PXDNL: variants seen among roughly 807,000 people sequenced by gnomAD.
PXDNL encodes the protein peroxidasin like, also known as probable oxidoreductase PXDNL.
A neutral mutation model predicts 150.8 loss-of-function variants in PXDNL; 145 were observed. The observed-to-expected ratio is 0.96, with a 90% CI of 0.84 to 1.10. The LOEUF is 1.10. PXDNL is among the 50% of genes least tolerant of loss of function. PXDNL has a pLI of 0.00. For missense variants in PXDNL, 2,087 were observed against 1,873.9 expected (o/e 1.11, Z -2.10); for synonymous variants, 757 against 725.7 (o/e 1.04, Z -0.69).
chr8:51,545,753 A>G (rs1812346173), intron 4 of PXDNL, among the ~76,000 whole-genome samples: 1 of 152,230 alleles, frequency 6.6e-6, no homozygotes, highest in South Asian at 2.1e-4. Flanking sequence ...TAATCTATTC[A>G]TGAGGGCACG....
intron 3 of PXDNL, among the ~76,000 whole-genome samples, chr8:51,576,784 A>G (rs1171999558): frequency 6.6e-6 from 1 of 151,846 alleles, no homozygotes; most frequent in African/African-American, 2.4e-5. Context: ...ACAAAGAACA[A>G]AAGAGAGAAA....
At chr8:51,531,328 T>C (rs1442782941) in intron 4 of PXDNL, among the ~76,000 whole-genome samples, 1 of 152,086 alleles carries the variant, frequency 6.6e-6, no homozygotes, top group African/African-American at 2.4e-5. Flanking sequence ...CTCTAACGAG[T>C]CTTTGCTTGC....
At chr8:51,418,189 G>A (rs1018099376) in intron 14 of PXDNL, among the ~76,000 whole-genome samples, 11 of 152,162 alleles carry the variant, frequency 7.2e-5, no homozygotes, top group African/African-American at 2.7e-4. Context: ...ATACTAGGTA[G>A]ATGCTGTTGT....
rs566320338 is a variant in PXDNL, at chr8:51,631,091, C to T, written c.236+23598G>A. Among the ~76,000 whole-genome samples, 12 of 152,104 alleles carry T rather than the reference C, an allele frequency of 7.9e-5. No individual in the cohort carries two copies. In the South Asian group the frequency reaches 1.0e-3, roughly 13 times the overall value. On this transcript the variant is annotated intron_variant, in intron 2 of 22. Transcript: ENST00000356297. ...GTAGTATATATACACCATGGAATACCGTGCAACCATTAAAAAGAATGAGAT... is the reference window on the plus strand; with the variant it reads ...GTAGTATATATACACCATGGAATACTGTGCAACCATTAAAAAGAATGAGAT...
rs1809866914 is a variant in PXDNL at position 51,453,884 on chromosome 8, A to G, written c.983-99T>C. On this transcript the variant is annotated intron_variant, in intron 9 of 22. Transcript: ENST00000356297. Reference sequence around the variant, plus strand: ...TTTTAAGATTATTGTCATTTTCAAAATTCCTTTAAACTAAAATATTACACA... The same window carrying G: ...TTTTAAGATTATTGTCATTTTCAAAGTTCCTTTAAACTAAAATATTACACA... 3 of 1,293,834 alleles carry G rather than the reference A, an allele frequency of 2.3e-6. No individual in the cohort carries two copies. The East Asian group carries it at 7.0e-5, about 30-fold the overall frequency. The allele number at this position is 1,293,834 out of a possible 1,614,324, so 80.1% of individuals were successfully genotyped here.
chr8:51,488,517 G>C (rs928114662), intron 5 of PXDNL, among the ~76,000 whole-genome samples: 1 of 152,150 alleles, frequency 6.6e-6, no homozygotes, highest in African/African-American at 2.4e-5. Flanking sequence ...TAGAAATAGA[G>C]ATTTTTTCCA....
At chr8:51,366,055 A>T (rs192757369) in intron 19 of PXDNL, among the ~76,000 whole-genome samples, 87 of 152,358 alleles carry the variant, frequency 5.7e-4, no homozygotes, top group Admixed American at 4.6e-3. Flanking sequence ...CTTGACATTT[A>T]CGATGATGAC....
chr8:51,372,130 A>G, intron 18 of PXDNL, 49 bp from the exon 19 acceptor site: 1 of 1,406,516 alleles, frequency 7.1e-7, no homozygotes, highest in South Asian at 1.3e-5. Flanking sequence ...GTGGCCTGAG[A>G]ACTCAGCTGC....
chr8:51,693,952 T>C (rs1056144053), intron 1 of PXDNL, among the ~76,000 whole-genome samples: 3 of 152,226 alleles, frequency 2.0e-5, no homozygotes, highest in African/African-American at 7.2e-5. Flanking sequence ...TTAATGAAGA[T>C]GATAATATAT....
At chr8:51,424,649 G>T (rs930529327) in intron 13 of PXDNL, among the ~76,000 whole-genome samples, 2 of 151,934 alleles carry the variant, frequency 1.3e-5, no homozygotes, top group South Asian at 2.1e-4. Flanking sequence ...CATTATTATG[G>T]ATTTAATTTT....
rs139154452 is a variant in PXDNL, at chr8:51,750,411, T to G, written c.164+58770A>C. ...TGAAGGACCTGTCTGAGGTTCTTCCTGAGTAGGTTCATTTATACCAACATC... is the reference window on the plus strand; with the variant it reads ...TGAAGGACCTGTCTGAGGTTCTTCCGGAGTAGGTTCATTTATACCAACATC... On this transcript the variant is annotated intron_variant, in intron 1 of 22. Transcript: ENST00000356297. Among the ~76,000 whole-genome samples, 575 of 152,298 alleles carry G rather than the reference T, an allele frequency of 3.8e-3. 3 individuals carry two copies. The highest frequency in any genetic ancestry group is 0.013 in the African/African-American group (555 of 41,570).
intron 19 of PXDNL, among the ~76,000 whole-genome samples, chr8:51,358,630 G>C (rs184448003): frequency 1.2e-3 from 179 of 152,196 alleles, no homozygotes; most frequent in African/African-American, 4.1e-3. Context: ...GAATGGTCTC[G>C]CCTGGCCCCA....
chr8:51,535,704 G>A (rs1229197145), intron 4 of PXDNL, among the ~76,000 whole-genome samples: 2 of 136,196 alleles, frequency 1.5e-5, no homozygotes, highest in African/African-American at 6.6e-5. Flanking sequence ...AAACACCCAA[G>A]AATGATCAAT....
intron 6 of PXDNL, among the ~76,000 whole-genome samples, chr8:51,476,419 G>C (rs1281621734): frequency 6.6e-6 from 1 of 152,176 alleles, no homozygotes; most frequent in Non-Finnish European, 1.5e-5. Context: ...CAAAGTCCCA[G>C]TTAGAAGGTC....
intron 4 of PXDNL, among the ~76,000 whole-genome samples, chr8:51,520,039 GA>G: frequency 6.6e-6 from 1 of 152,170 alleles, no homozygotes; most frequent in East Asian, 1.9e-4. Flanking sequence ...TCCAAGTGTG[GA>G]CTGCGGTTGT....
chr8:51,342,445 C>T (rs1038577955), intron 20 of PXDNL, among the ~76,000 whole-genome samples: 3 of 151,706 alleles, frequency 2.0e-5, no homozygotes, highest in African/African-American at 7.3e-5. Context: ...GAAAAAAATA[C>T]CACTTAAATT....
chr8:51,650,557 C>G (rs983724937), intron 2 of PXDNL, among the ~76,000 whole-genome samples: 2 of 152,134 alleles, frequency 1.3e-5, no homozygotes, highest in African/African-American at 4.8e-5. Context: ...TAAGCTAGCA[C>G]TGTATTCAGT....
At chr8:51,339,987 GA>G (rs1349289926) in intron 20 of PXDNL, 1 of 346,294 alleles carries the variant, frequency 2.9e-6, no homozygotes, top group Non-Finnish European at 5.2e-6. Context: ...AAAATAATAA[GA>G]AAGTATTTCT....
chr8:51,726,407 T>A (rs533184367), intron 1 of PXDNL, among the ~76,000 whole-genome samples: 12 of 152,292 alleles, frequency 7.9e-5, no homozygotes, highest in African/African-American at 2.9e-4. Context: ...AGAAATGGAA[T>A]TCATTGAAAG....
Sources: allele counts gnomAD v4.1 joint callset (sites outside exome capture counted in the v4.1 genomes callset), GRCh38; gene constraint gnomAD v4.1.1; transcripts MANE v1.5; gene names NCBI Gene and HGNC (gene_info 2026-07-23, HGNC 2026-07-21).